The following BAZ1A variants were observed in gnomAD, a reference collection of about 807,000 sequenced individuals.
BAZ1A encodes the protein bromodomain adjacent to zinc finger domain protein 1A.
A neutral mutation model predicts 185.2 loss-of-function variants in BAZ1A; 50 were observed. The ratio of observed to expected loss-of-function variants is 0.27; its 90% CI spans 0.22 to 0.34. The LOEUF (loss-of-function observed/expected upper bound fraction) is 0.34, where lower values mean the gene tolerates loss of function less well. BAZ1A is among the 10% of genes least tolerant of loss of function. The pLI is 1.00. For synonymous variants in BAZ1A, 571 were observed against 615.6 expected (o/e 0.93, Z 1.07); for missense variants, 1,356 against 1,839.9 (o/e 0.74, Z 4.81).
intron 12 of BAZ1A, 65 bp from the exon 13 acceptor site, chr14:34,786,286 G>A (rs1033253355): frequency 4.9e-5 from 69 of 1,415,168 alleles, no homozygotes; most frequent in African/African-American, 5.8e-5. Context: ...AATAATGCCC[G>A]TTTTAAATGA....
chr14:34,778,841 TGTTC>T (rs1879842249), intron 17 of BAZ1A, among the ~76,000 whole-genome samples: 1 of 152,192 alleles, frequency 6.6e-6, no homozygotes, highest in African/African-American at 2.4e-5. Flanking sequence ...GATTTGTTGT[TGTTC>T]TTTACTATAT....
rs569693515 is a variant in BAZ1A, at chr14:34,874,062, C to T, written c.113+430G>A. ...CGGGGCAGGAATTCCCTTCCCCGGCCCAGGGACTGCGGCCCCACGTCGCTG... is the reference window on the plus strand; with the variant it reads ...CGGGGCAGGAATTCCCTTCCCCGGCTCAGGGACTGCGGCCCCACGTCGCTG... On this transcript the variant is annotated intron_variant, in intron 2 of 26. Coordinates refer to ENST00000360310, the MANE Select transcript of BAZ1A (RefSeq NM_013448.3). This position sits in a 1 kb window ranked among gnomAD's most constrained non-coding sequence, Gnocchi z 4.7. Among the ~76,000 whole-genome samples, 935 of 152,284 alleles carry T rather than the reference C, an allele frequency of 6.1e-3. 17 individuals are homozygous for T. The highest frequency in any genetic ancestry group is 0.022 in the African/African-American group (903 of 41,582).
chr14:34,760,953 TAATGATTA>T (rs1886495887), intron 24 of BAZ1A, among the ~76,000 whole-genome samples: 3 of 152,084 alleles, frequency 2.0e-5, no homozygotes, highest in Non-Finnish European at 4.4e-5. Context: ...AGTCTATGAA[TAATGATTA>T]CTATAAACAA....
intron 2 of BAZ1A, among the ~76,000 whole-genome samples, chr14:34,870,623 C>T (rs1328971125): frequency 1.3e-5 from 2 of 152,184 alleles, no homozygotes; most frequent in African/African-American, 4.8e-5. Flanking sequence ...TCTAGGCAGC[C>T]AGTTTAAATT....
chr14:34,837,438 C>CA (rs1299495051), intron 3 of BAZ1A, among the ~76,000 whole-genome samples: 1 of 151,036 alleles, frequency 6.6e-6, no homozygotes, highest in Non-Finnish European at 1.5e-5. Flanking sequence ...GCGTTTTTGC[C>CA]ATGTTGCTTG....
intron 18 of BAZ1A, among the ~76,000 whole-genome samples, chr14:34,774,935 C>T (rs962663553): frequency 2.6e-5 from 4 of 152,116 alleles, no homozygotes; most frequent in African/African-American, 7.2e-5. Flanking sequence ...TCAACATTGG[C>T]GGGGGGTAGT....
intron 25 of BAZ1A, among the ~76,000 whole-genome samples, chr14:34,755,294 A>G (rs548810324): frequency 1.3e-3 from 203 of 152,310 alleles, no homozygotes; most frequent in African/African-American, 4.6e-3. Flanking sequence ...ATGCTATTCA[A>G]TATTAATTAA....
chr14:34,820,704 G>C (rs1282082287), intron 4 of BAZ1A, among the ~76,000 whole-genome samples: 2 of 151,690 alleles, frequency 1.3e-5, no homozygotes. Context: ...TTTACACTTA[G>C]GTCTACAAAC....
At chr14:34,829,519 T>A (rs2042210794) in intron 3 of BAZ1A, among the ~76,000 whole-genome samples, 1 of 152,126 alleles carries the variant, frequency 6.6e-6, no homozygotes, top group African/African-American at 2.4e-5. Flanking sequence ...GACTTATTCA[T>A]CCATCAGTGA....
intron 3 of BAZ1A, among the ~76,000 whole-genome samples, chr14:34,846,889 TA>T (rs894237319): frequency 6.6e-6 from 1 of 151,482 alleles, no homozygotes; most frequent in Admixed American, 6.6e-5. Context: ...CCTCAGAACT[TA>T]AAAAAAAATT....
At chr14:34,812,419 G>C (rs945552802) in intron 4 of BAZ1A, among the ~76,000 whole-genome samples, 5 of 152,146 alleles carry the variant, frequency 3.3e-5, no homozygotes, top group African/African-American at 1.2e-4. Flanking sequence ...ATGAGACTTT[G>C]GATATTGAGT....
Position 34,862,312 on chromosome 14 carries a change from C to G in BAZ1A, c.124G>C (p.Glu42Gln), listed in dbSNP as rs1473508680. The G allele has an allele frequency of 6.3e-7, 1 of 1,588,476 alleles. No homozygotes were observed. The highest frequency in any genetic ancestry group is 8.6e-7 in the Non-Finnish European group (1 of 1,169,226). ...EIFRHYDDFF[E>Q]RTILCNSLVW... ...AGGCTGTTGCACAGAATGGTTCGTT[C>G]AAAAAAGTCACTGATTAAAAAACAA... Residue 42 changes from glutamate to glutamine, a missense_variant, in exon 3 of 27, where the codon GAA becomes CAA. This residue lies in a region of BAZ1A where 332 missense variants were observed against 395.3 expected (regional missense o/e 0.84). Transcript: ENST00000360310.
intron 3 of BAZ1A, among the ~76,000 whole-genome samples, chr14:34,854,506 TAA>T (rs1276480549): frequency 6.6e-6 from 1 of 151,922 alleles, no homozygotes; most frequent in East Asian, 1.9e-4. Context: ...AATAGAAAAT[TAA>T]AGTCAATAGA....
At chr14:34,786,996 T>G (rs1880500960) in intron 12 of BAZ1A, among the ~76,000 whole-genome samples, 1 of 152,286 alleles carries the variant, frequency 6.6e-6, no homozygotes, top group African/African-American at 2.4e-5. Context: ...AAAAAAAAGT[T>G]AAAGATGGCA....
chr14:34,840,826 A>G (rs2042403419), intron 3 of BAZ1A, among the ~76,000 whole-genome samples: 1 of 152,028 alleles, frequency 6.6e-6, no homozygotes, highest in African/African-American at 2.4e-5. Context: ...CTCCCTTCTT[A>G]AATTCTTCTA....
At chr14:34,828,979 T>C (rs2042201354) in intron 3 of BAZ1A, among the ~76,000 whole-genome samples, 1 of 152,192 alleles carries the variant, frequency 6.6e-6, no homozygotes, top group Non-Finnish European at 1.5e-5. Flanking sequence ...ACATTTTGCT[T>C]CTTGTAAAGA....
chr14:34,853,977 A>T (rs1246348679), intron 3 of BAZ1A, among the ~76,000 whole-genome samples: 1 of 152,244 alleles, frequency 6.6e-6, no homozygotes, highest in Non-Finnish European at 1.5e-5. Flanking sequence ...CTTGCCAAAA[A>T]GTTATACAGG....
intron 3 of BAZ1A, among the ~76,000 whole-genome samples, chr14:34,829,757 A>G (rs2042214087): frequency 6.6e-6 from 1 of 152,196 alleles, no homozygotes; most frequent in Admixed American, 6.6e-5. Context: ...CTCTATTTTT[A>G]TGGTTCAAAA....
chr14:34,829,666 T>C (rs186121775), intron 3 of BAZ1A, among the ~76,000 whole-genome samples: 8 of 152,290 alleles, frequency 5.3e-5, no homozygotes, highest in African/African-American at 1.4e-4. Flanking sequence ...ATCTAACTAT[T>C]GGTCAACAAA....
Sources: allele counts gnomAD v4.1 joint callset (sites outside exome capture counted in the v4.1 genomes callset), GRCh38; gene constraint gnomAD v4.1.1; regional missense constraint gnomAD v4.1.1; non-coding constraint Gnocchi (gnomAD v3.1); transcripts MANE v1.5; gene names NCBI Gene and HGNC (gene_info 2026-07-23, HGNC 2026-07-21).